The following SRBD1 variants were observed in gnomAD, a reference collection of about 807,000 sequenced individuals.
SRBD1 encodes S1 RNA binding domain 1.
SRBD1 carries 88 observed loss-of-function variants against 115.3 expected under a neutral mutation model. That is an observed-to-expected ratio of 0.76 (90% CI 0.64 to 0.91). The LOEUF (loss-of-function observed/expected upper bound fraction) is 0.91. Ranked by LOEUF, SRBD1 falls within the 40% of genes least tolerant of loss-of-function variation. The pLI, the probability that SRBD1 is intolerant of heterozygous loss-of-function variation, is 0.00. For missense variants in SRBD1, 1,385 were observed against 1,177.4 expected (o/e 1.18, Z -2.58); for synonymous variants, 509 against 407.7 (o/e 1.25, Z -2.99).
chr2:45,575,893 G>A (rs993625395), intron 7 of SRBD1, among the ~76,000 whole-genome samples: 4 of 152,040 alleles, frequency 2.6e-5, no homozygotes, highest in South Asian at 4.1e-4. Flanking sequence ...TAGTAGTGAC[G>A]GGCTTTCACT....
intron 14 of SRBD1, among the ~76,000 whole-genome samples, chr2:45,505,543 G>A (rs1353803525): frequency 9.2e-5 from 14 of 152,168 alleles, no homozygotes; most frequent in Admixed American, 6.5e-4. Context: ...CTCCTTCTAT[G>A]CAGAGAAGAA....
At chr2:45,521,116 G>A (rs1160812096) in intron 14 of SRBD1, among the ~76,000 whole-genome samples, 2 of 152,030 alleles carry the variant, frequency 1.3e-5, no homozygotes, top group Non-Finnish European at 2.9e-5. Context: ...CAACTAAACA[G>A]ACAAGCCACA....
intron 16 of SRBD1, among the ~76,000 whole-genome samples, chr2:45,465,180 C>T (rs1034627020): frequency 2.0e-5 from 3 of 152,034 alleles, no homozygotes; most frequent in African/African-American, 7.3e-5. Flanking sequence ...CTCCTGTGTA[C>T]TTTAAATCAT....
At chr2:45,605,736 T>A (rs1012136023) in intron 1 of SRBD1, among the ~76,000 whole-genome samples, 13 of 151,982 alleles carry the variant, frequency 8.6e-5, no homozygotes, top group African/African-American at 3.1e-4. Flanking sequence ...AAACTCAGTC[T>A]CTACTAAAAA....
intron 19 of SRBD1, among the ~76,000 whole-genome samples, chr2:45,397,449 T>C (rs1667178265): frequency 6.6e-6 from 1 of 152,222 alleles, no homozygotes; most frequent in Non-Finnish European, 1.5e-5. Context: ...TCCTTTATGC[T>C]ATCTACAGAG....
At chr2:45,436,486 G>A (rs1668503241) in intron 16 of SRBD1, among the ~76,000 whole-genome samples, 1 of 152,178 alleles carries the variant, frequency 6.6e-6, no homozygotes, top group Admixed American at 6.5e-5. Context: ...AACTTCCTAT[G>A]ACTGGGTAAT....
intron 1 of SRBD1, among the ~76,000 whole-genome samples, chr2:45,608,292 A>G (rs1674336096): frequency 6.6e-6 from 1 of 152,242 alleles, no homozygotes; most frequent in Admixed American, 6.5e-5. Flanking sequence ...AATGTTAAAA[A>G]TATCAATGTA....
At chr2:45,586,991 T>TTAAATTA (rs1289214588) in intron 4 of SRBD1, among the ~76,000 whole-genome samples, 2 of 64,650 alleles carry the variant, frequency 3.1e-5, no homozygotes, top group African/African-American at 7.6e-5. Context: ...TAAAATTATT[T>TTAAATTA]TAAATATTTA....
Position 45,574,646 on chromosome 2 carries a change from G to A in SRBD1, c.1150C>T (p.Leu384Phe), listed in dbSNP as rs756306695. Residue 384 changes from leucine (L) to phenylalanine (F), a missense_variant, in exon 8 of 21, where the codon CTT (leucine) becomes TTT (phenylalanine). Coordinates refer to ENST00000263736, the MANE Select transcript of SRBD1 (RefSeq NM_018079.5). ...ACTCACAAGTTCCGAATGAAGTCAA[G>A]CGTGTCTTTGTCTTTAGCAATCATA... is the stretch of plus-strand genomic sequence containing the variant. The part of the protein sequence containing the change: ...ADMIAKDKDT[L>F]DFIRNLCQKR... 2.5e-6 allele frequency: 4 copies of A among 1,613,388 alleles called. No individual in the cohort carries two copies. Among genetic ancestry groups the A allele is most frequent in the East Asian group, 2.2e-5 (1 of 44,820 alleles).
intron 14 of SRBD1, among the ~76,000 whole-genome samples, chr2:45,545,108 A>G (rs1158246061): frequency 6.6e-6 from 1 of 151,642 alleles, no homozygotes; most frequent in South Asian, 2.1e-4. Flanking sequence ...GTGAAACTCC[A>G]TCTCTACTAA....
At chr2:45,511,497 T>C (rs1156869009) in intron 14 of SRBD1, among the ~76,000 whole-genome samples, 2 of 152,172 alleles carry the variant, frequency 1.3e-5, no homozygotes, top group Non-Finnish European at 2.9e-5. Context: ...TGTCAAGGAA[T>C]AGAAATACAA....
intron 4 of SRBD1, among the ~76,000 whole-genome samples, chr2:45,591,600 G>A (rs1280165611): frequency 6.6e-6 from 1 of 152,168 alleles, no homozygotes; most frequent in Non-Finnish European, 1.5e-5. Context: ...AAAGGTGGAT[G>A]AGGCTACATG....
chr2:45,413,198 C>T lies in SRBD1; in HGVS notation c.2429G>A (p.Ser810Asn), dbSNP rs1667656070. 1 of 1,614,102 alleles carries T rather than the reference C, an allele frequency of 6.2e-7. No individual in the cohort carries two copies. Among genetic ancestry groups the T allele is most frequent in the South Asian group, 1.1e-5 (1 of 91,086 alleles). ...VTNEKQGKKK[S>N]KTAVNVLLKP... ...CAGTAAAACATTCACTGCAGTTTTG[C>T]TCTTCTTTTTGCCCTGCTTCTCATT... is the stretch of plus-strand genomic sequence containing the variant. The change falls in exon 19 of 21, where the codon AGC becomes AAC. Residue 810 changes from serine to asparagine, a missense_variant. Coordinates refer to ENST00000263736, the MANE Select transcript of SRBD1 (RefSeq NM_018079.5).
chr2:45,547,011 GAC>G lies in SRBD1; in HGVS notation c.1767-174_1767-173del, dbSNP rs567167686. 5.7e-4 allele frequency among the ~76,000 whole-genome samples: 86 copies of G among 152,208 alleles called. No individual in the cohort carries two copies. In the South Asian group the frequency reaches 7.3e-3, roughly 13 times the overall value. On this transcript the variant is annotated intron_variant, in intron 13 of 20. Transcript: ENST00000263736. ...AAACACAGACTTATATGGAATAAAA[GAC>G]ACTGCCCTGCATTTGGTATAGGAGG...
At chr2:45,600,759 C>A (rs559770542) in intron 3 of SRBD1, among the ~76,000 whole-genome samples, 1 of 152,206 alleles carries the variant, frequency 6.6e-6, no homozygotes, top group Non-Finnish European at 1.5e-5. Flanking sequence ...TACCCCTAAG[C>A]TGGTCTGTTC....
Position 45,523,623 on chromosome 2 carries a change from T to C in SRBD1, c.1874+23109A>G, listed in dbSNP as rs187465769. ...GACAAATTACTGGAAAGACACAAAC[T>C]ACCAAAAATGACTCAAAAAGAAATA... On this transcript the variant is annotated intron_variant, in intron 14 of 20. Coordinates refer to ENST00000263736, the MANE Select transcript of SRBD1 (RefSeq NM_018079.5). Among the ~76,000 whole-genome samples the C allele has an allele frequency of 1.5e-3, 226 of 151,522 alleles. 1 individual carries two copies. The highest frequency in any genetic ancestry group is 5.1e-3 in the African/African-American group (212 of 41,358).
chr2:45,517,085 T>C (rs1671141587), intron 14 of SRBD1, among the ~76,000 whole-genome samples: 1 of 152,136 alleles, frequency 6.6e-6, no homozygotes, highest in Non-Finnish European at 1.5e-5. Context: ...ACCAAGAAAT[T>C]AGCTCTTCAG....
In SRBD1 at chr2:45,476,990, T is replaced by C. The variant is rs1456888651; in HGVS notation, c.2049+3A>G. On this transcript the variant is annotated splice_donor_region_variant and intron_variant, in intron 16 of 20. Transcript: ENST00000263736. ...ATAAATTAAATGATCCACATAGCTT[T>C]ACCTGATACATTCCAACTCCAATGT... The C allele has an allele frequency of 2.5e-6, 4 of 1,613,338 alleles. No homozygotes were observed. Among genetic ancestry groups the C allele is most frequent in the Non-Finnish European group, 3.4e-6 (4 of 1,179,578 alleles).
At chr2:45,569,194 T>C (rs760645422) in intron 9 of SRBD1, 2 of 152,214 alleles carry the variant, frequency 1.3e-5, no homozygotes, top group Admixed American at 6.5e-5. Flanking sequence ...TTTTTTATTT[T>C]TTTAAGAGGC....
Sources: allele counts gnomAD v4.1 joint callset (sites outside exome capture counted in the v4.1 genomes callset), GRCh38; gene constraint gnomAD v4.1.1; transcripts MANE v1.5; gene names NCBI Gene and HGNC (gene_info 2026-07-23, HGNC 2026-07-21).